Variants in EXOC6B observed in about 807,000 individuals in gnomAD.
The protein encoded by EXOC6B is SEC15 homolog B.
A neutral mutation model predicts 113.5 loss-of-function variants in EXOC6B; 54 were observed. The ratio of observed to expected loss-of-function variants is 0.48; its 90% CI spans 0.38 to 0.60. The LOEUF (loss-of-function observed/expected upper bound fraction) is 0.60, where lower values mean the gene tolerates loss of function less well. Ranked by LOEUF, EXOC6B falls within the 20% of genes least tolerant of loss-of-function variation. The pLI is 0.00. For missense variants in EXOC6B, 797 were observed against 977.5 expected (o/e 0.82, Z 2.46); for synonymous variants, 357 against 339.0 (o/e 1.05, Z -0.58).
intron 8 of EXOC6B, among the ~76,000 whole-genome samples, chr2:72,525,700 CAAAT>C (rs1402830756): frequency 6.6e-6 from 1 of 151,934 alleles, no homozygotes; most frequent in African/African-American, 2.4e-5. Flanking sequence ...TAATATAAAA[CAAAT>C]AAGGTGCAAG....
At chr2:72,760,906 AG>A (rs1157987072) in intron 1 of EXOC6B, among the ~76,000 whole-genome samples, 2 of 152,196 alleles carry the variant, frequency 1.3e-5, no homozygotes, top group African/African-American at 4.8e-5. Context: ...GATGCCAGGC[AG>A]GGGGGCTCAT....
intron 16 of EXOC6B, among the ~76,000 whole-genome samples, chr2:72,486,993 T>C (rs1038626700): frequency 6.6e-6 from 1 of 152,192 alleles, no homozygotes; most frequent in Non-Finnish European, 1.5e-5. Flanking sequence ...ATTCCTCTTT[T>C]CCCATTCTTT....
intron 20 of EXOC6B, among the ~76,000 whole-genome samples, chr2:72,187,609 A>T (rs760649942): frequency 5.1e-4 from 78 of 152,034 alleles, no homozygotes; most frequent in Non-Finnish European, 7.4e-4. Context: ...CTATCAGCAG[A>T]GAGAGTGGCT....
intron 19 of EXOC6B, among the ~76,000 whole-genome samples, chr2:72,346,192 T>A (rs1002857908): frequency 6.6e-6 from 1 of 152,178 alleles, no homozygotes; most frequent in Non-Finnish European, 1.5e-5. Flanking sequence ...CCTATCTTCT[T>A]ACAATTGAGA....
intron 6 of EXOC6B, among the ~76,000 whole-genome samples, chr2:72,675,815 G>C (rs1435199254): frequency 6.6e-6 from 1 of 151,628 alleles, no homozygotes; most frequent in African/African-American, 2.4e-5. Context: ...TTAAAAAGTT[G>C]GTGGGGGCGG....
chr2:72,289,908 T>C (rs1685679362), intron 20 of EXOC6B, among the ~76,000 whole-genome samples: 1 of 152,172 alleles, frequency 6.6e-6, no homozygotes, highest in Admixed American at 6.5e-5. Context: ...TAGATTGTTC[T>C]CTCTAATGTG....
chr2:72,597,604 C>T (rs1670155628), intron 6 of EXOC6B, among the ~76,000 whole-genome samples: 1 of 151,670 alleles, frequency 6.6e-6, no homozygotes, highest in African/African-American at 2.4e-5. Flanking sequence ...TCAATAATCA[C>T]CTTAAATGTG....
At chr2:72,779,426 ATG>A (rs1236503698) in intron 1 of EXOC6B, among the ~76,000 whole-genome samples, 7 of 152,122 alleles carry the variant, frequency 4.6e-5, no homozygotes, top group South Asian at 2.1e-4. Context: ...ACACGTGTGC[ATG>A]TGTGTTTCAA....
intron 20 of EXOC6B, among the ~76,000 whole-genome samples, chr2:72,249,392 C>A (rs1573086879): frequency 6.6e-6 from 1 of 151,776 alleles, no homozygotes; most frequent in Non-Finnish European, 1.5e-5. Flanking sequence ...GTAGCTGGGA[C>A]TATAGGCGCC....
At chr2:72,519,211 A>C (rs1701366922) in intron 8 of EXOC6B, among the ~76,000 whole-genome samples, 1 of 152,208 alleles carries the variant, frequency 6.6e-6, no homozygotes, top group African/African-American at 2.4e-5. Flanking sequence ...TAAACAAGGC[A>C]ATGCTCTGCC....
At chr2:72,467,903 T>C (rs1698153504) in intron 17 of EXOC6B, among the ~76,000 whole-genome samples, 1 of 152,120 alleles carries the variant, frequency 6.6e-6, no homozygotes, top group African/African-American at 2.4e-5. Flanking sequence ...CCCGAGTAGC[T>C]GGGATTACAG....
At chr2:72,333,040 G>A (rs1010895182) in intron 20 of EXOC6B, among the ~76,000 whole-genome samples, 1 of 152,042 alleles carries the variant, frequency 6.6e-6, no homozygotes, top group African/African-American at 2.4e-5. Context: ...CCTTTAAGCT[G>A]CTTCAGTAGA....
chr2:72,757,021 C>G (rs1329899205), intron 1 of EXOC6B, among the ~76,000 whole-genome samples: 1 of 152,214 alleles, frequency 6.6e-6, no homozygotes, highest in East Asian at 1.9e-4. Flanking sequence ...TTAGATGATG[C>G]AATTCTGAAT....
chr2:72,368,595 C>T (rs1200107790), intron 19 of EXOC6B, among the ~76,000 whole-genome samples: 2 of 152,154 alleles, frequency 1.3e-5, no homozygotes, highest in Non-Finnish European at 2.9e-5. Flanking sequence ...CCCTGATGAA[C>T]ATCGATGCAA....
chr2:72,683,811 T>C (rs1413087552), intron 6 of EXOC6B, among the ~76,000 whole-genome samples: 1 of 152,238 alleles, frequency 6.6e-6, no homozygotes, highest in Non-Finnish European at 1.5e-5. Flanking sequence ...TCTCAGATTG[T>C]TGCTCCTCTG....
chr2:72,198,905 C>T (rs894922306), intron 20 of EXOC6B, among the ~76,000 whole-genome samples: 4 of 152,140 alleles, frequency 2.6e-5, no homozygotes, highest in Non-Finnish European at 5.9e-5. Flanking sequence ...TATTTAAATC[C>T]TGGTATGAGG....
chr2:72,442,431 A>G (rs1039830170), intron 18 of EXOC6B, among the ~76,000 whole-genome samples: 1 of 152,142 alleles, frequency 6.6e-6, no homozygotes, highest in African/African-American at 2.4e-5. Flanking sequence ...AAAGAAATAA[A>G]GGGCATTGAA....
chr2:72,685,223 T>G (rs1188392194), intron 6 of EXOC6B, among the ~76,000 whole-genome samples: 1 of 152,168 alleles, frequency 6.6e-6, no homozygotes, highest in East Asian at 1.9e-4. Flanking sequence ...CTTTTCTGTA[T>G]GTTTGAAATT....
intron 1 of EXOC6B, among the ~76,000 whole-genome samples, chr2:72,789,468 C>A (rs966230660): frequency 1.3e-4 from 20 of 152,186 alleles, no homozygotes; most frequent in African/African-American, 4.8e-4. Context: ...TTGACAACAA[C>A]TCTGAGTCAA....
Sources: allele counts gnomAD v4.1 joint callset (sites outside exome capture counted in the v4.1 genomes callset), GRCh38; gene constraint gnomAD v4.1.1; transcripts MANE v1.5; gene names NCBI Gene and HGNC (gene_info 2026-07-23, HGNC 2026-07-21).